CFAP299: variants seen among roughly 807,000 people sequenced by gnomAD.
CFAP299 encodes cilia and flagella associated protein 299, also known as cilia- and flagella-associated protein 299.
Under a neutral mutation model 27.0 loss-of-function variants are expected in CFAP299, and 21 were observed. That is an observed-to-expected ratio of 0.78 (90% CI 0.55 to 1.12). CFAP299 has a LOEUF of 1.12. CFAP299 is among the 50% of genes most tolerant of loss of function. The pLI, the probability that CFAP299 is intolerant of heterozygous loss-of-function variation, is 0.00. For synonymous variants in CFAP299, 104 were observed against 98.1 expected, an observed-to-expected ratio of 1.06 and a Z score of -0.36; for missense variants, 310 against 276.6, an observed-to-expected ratio of 1.12 and a Z score of -0.86.
At chr4:80,332,216 ATAT>A, upstream of CFAP299, among the ~76,000 whole-genome samples, 1 of 152,226 alleles carries the variant, frequency 6.6e-6, no homozygotes, top group East Asian at 1.9e-4. Context: ...ACAGACTGGA[ATAT>A]GTTGGGCAGA....
intron 3 of CFAP299, among the ~76,000 whole-genome samples, chr4:80,776,035 G>A (rs1451570732): frequency 6.6e-6 from 1 of 152,094 alleles, no homozygotes; most frequent in Admixed American, 6.6e-5. Flanking sequence ...CCTGGATGTA[G>A]ACTGTTGCTG....
intron 3 of CFAP299, among the ~76,000 whole-genome samples, chr4:80,657,244 T>A (rs1740602505): frequency 6.6e-6 from 1 of 152,172 alleles, no homozygotes; most frequent in African/African-American, 2.4e-5. Flanking sequence ...AGATCCCATT[T>A]GTCAGTTTTG....
intron 2 of CFAP299, among the ~76,000 whole-genome samples, chr4:80,418,795 T>A (rs1727146734): frequency 6.6e-6 from 1 of 152,352 alleles, no homozygotes; most frequent in African/African-American, 2.4e-5. Context: ...GCTCTCCGTT[T>A]ACATCAGTGT....
In CFAP299 at chr4:80,963,562, C is replaced by A; in HGVS notation, c.652C>A (p.Leu218Ile). 3 of 1,609,290 alleles carry A rather than the reference C, an allele frequency of 1.9e-6. No individual in the cohort carries two copies. The highest frequency in any genetic ancestry group is 2.5e-6 in the Non-Finnish European group (3 of 1,177,304). ...NSTRITILTE[L>I]YVQAVIFDHI... is the part of the protein sequence containing the mutation. ...TACTAGAATCACTATCCTGACAGAA[C>A]TCTACGTACAAGCTGTCATTTTTGA... is the stretch of plus-strand genomic sequence containing the variant. Residue 218 changes from leucine to isoleucine, a missense_variant, in exon 6 of 6, where the codon CTC (leucine) becomes ATC (isoleucine). Transcript: ENST00000358105.
At chr4:80,575,248 T>C (rs1023096228) in intron 2 of CFAP299, among the ~76,000 whole-genome samples, 1 of 152,102 alleles carries the variant, frequency 6.6e-6, no homozygotes, top group African/African-American at 2.4e-5. Flanking sequence ...TTTATTGGCA[T>C]AGAGTTACTC....
At chr4:80,736,955 C>T (rs1578074926) in intron 3 of CFAP299, among the ~76,000 whole-genome samples, 1 of 152,180 alleles carries the variant, frequency 6.6e-6, no homozygotes, top group East Asian at 1.9e-4. Flanking sequence ...AAATGTGGCA[C>T]ATATACACCA....
intron 3 of CFAP299, among the ~76,000 whole-genome samples, chr4:80,829,862 A>C (rs188429128): frequency 6.6e-6 from 1 of 152,124 alleles, no homozygotes; most frequent in African/African-American, 2.4e-5. Flanking sequence ...CGCTTATATG[A>C]GGTAGCTTAA....
chr4:80,773,964 T>C (rs1429239342), intron 3 of CFAP299, among the ~76,000 whole-genome samples: 62 of 152,182 alleles, frequency 4.1e-4, no homozygotes, highest in Non-Finnish European at 7.4e-5. Context: ...ACTGGGTTTA[T>C]ACATCAGATG....
At chr4:80,633,425 G>C (rs928867145) in intron 3 of CFAP299, among the ~76,000 whole-genome samples, 2 of 152,136 alleles carry the variant, frequency 1.3e-5, no homozygotes, top group African/African-American at 4.8e-5. Context: ...CTGCAATCCA[G>C]CCTGGGTGAC....
chr4:80,511,824 A>C (rs1226196190), intron 2 of CFAP299, among the ~76,000 whole-genome samples: 1 of 152,162 alleles, frequency 6.6e-6, no homozygotes, highest in African/African-American at 2.4e-5. Context: ...AGCATAAAAT[A>C]ACAGGCCCTC....
chr4:80,764,023 C>A (rs1725699339), intron 3 of CFAP299, among the ~76,000 whole-genome samples: 1 of 151,966 alleles, frequency 6.6e-6, no homozygotes, highest in South Asian at 2.1e-4. Flanking sequence ...ACCTAGAATG[C>A]CATTCAGGAC....
intron 2 of CFAP299, among the ~76,000 whole-genome samples, chr4:80,535,540 A>G (rs1733699260): frequency 1.3e-5 from 2 of 150,396 alleles, no homozygotes; most frequent in Admixed American, 1.3e-4. Context: ...GAAGAGCTTC[A>G]TATCACTCTC....
At chr4:80,845,564 G>A (rs757215279) in intron 3 of CFAP299, among the ~76,000 whole-genome samples, 8 of 152,012 alleles carry the variant, frequency 5.3e-5, no homozygotes, top group Non-Finnish European at 8.8e-5. Context: ...CTGCCTTAGG[G>A]CCAGAGTACT....
intron 3 of CFAP299, among the ~76,000 whole-genome samples, chr4:80,637,906 T>C (rs1472995631): frequency 6.6e-6 from 1 of 152,248 alleles, no homozygotes; most frequent in East Asian, 1.9e-4. Context: ...GTATTTCTTT[T>C]GTCACACAAA....
chr4:80,905,660 G>A (rs1352040955), intron 4 of CFAP299, among the ~76,000 whole-genome samples: 1 of 152,102 alleles, frequency 6.6e-6, no homozygotes, highest in African/African-American at 2.4e-5. Context: ...CAAACTTGGT[G>A]GAAGGGGAAG....
At chr4:80,877,589 A>G (rs530961413) in intron 4 of CFAP299, among the ~76,000 whole-genome samples, 1 of 152,204 alleles carries the variant, frequency 6.6e-6, no homozygotes, top group African/African-American at 2.4e-5. Flanking sequence ...ATCTCACAAA[A>G]CCTCTAGTTT....
At chr4:80,676,995 G>A (rs920982004) in intron 3 of CFAP299, among the ~76,000 whole-genome samples, 2 of 151,704 alleles carry the variant, frequency 1.3e-5, no homozygotes, top group Non-Finnish European at 2.9e-5. Flanking sequence ...TTTGGGGTTT[G>A]GCTTGTTCTT....
chr4:80,467,006 T>C (rs567879555), intron 2 of CFAP299, among the ~76,000 whole-genome samples: 1 of 152,308 alleles, frequency 6.6e-6, no homozygotes, highest in African/African-American at 2.4e-5. Flanking sequence ...TAAAATTCAA[T>C]AGTTTAGCTG....
intron 3 of CFAP299, among the ~76,000 whole-genome samples, chr4:80,664,865 C>T (rs1741068340): frequency 6.6e-6 from 1 of 152,132 alleles, no homozygotes; most frequent in South Asian, 2.1e-4. Flanking sequence ...GGTGTAGGCA[C>T]CCAAGGGAAT....
Sources: allele counts gnomAD v4.1 joint callset (sites outside exome capture counted in the v4.1 genomes callset), GRCh38; gene constraint gnomAD v4.1.1; transcripts MANE v1.5; gene names NCBI Gene and HGNC (gene_info 2026-07-23, HGNC 2026-07-21).